The following BRAT1 variants were observed in gnomAD, a reference collection of about 807,000 sequenced individuals.
The protein encoded by BRAT1 is integrator complex assembly factor BRAT1.
In BRAT1, 74 loss-of-function variants were observed where a neutral mutation model predicts 70.6. The observed-to-expected ratio is 1.05, with a 90% confidence interval of 0.87 to 1.27. The LOEUF is 1.27. Ranked by LOEUF, BRAT1 falls within the 50% of genes most tolerant of loss-of-function variation. BRAT1 has a pLI of 0.00. For synonymous variants in BRAT1, 615 were observed against 517.1 expected, an observed-to-expected ratio of 1.19 and a Z score of -2.57; for missense variants, 1,203 against 1,098.2, an observed-to-expected ratio of 1.10 and a Z score of -1.35.
At position 2,541,314 on chromosome 7, in the gene BRAT1, C is replaced by T. The variant is rs145506790; in HGVS notation, c.1305G>A (p.Thr435=). 1.1e-5 allele frequency: 18 copies of T among 1,593,092 alleles called. No homozygotes were observed. Among genetic ancestry groups the T allele is most frequent in the African/African-American group, 8.0e-5 (6 of 74,666 alleles). ...CACACTCACCTGTCCCCTGTGACAGCGTCCCCAGGAAGTCGAGGGCTGCTC... is the reference window on the plus strand; with the variant it reads ...CACACTCACCTGTCCCCTGTGACAGTGTCCCCAGGAAGTCGAGGGCTGCTC... ...VQRAALDFLG[T]LSQGTGPQEL... The change falls in exon 9 of 14, where the codon ACG becomes ACA. Residue 435 remains threonine (T), a synonymous_variant. Transcript: ENST00000340611.
At chr7:2,542,636 C>T (rs1367504703) in intron 6 of BRAT1, 1 of 219,962 alleles carries the variant, frequency 4.5e-6, no homozygotes, top group Non-Finnish European at 9.3e-6. Flanking sequence ...CCTCCATCCT[C>T]CCCCGGTCTA....
Position 2,544,905 on chromosome 7 carries a change from T to C in BRAT1, c.430+4A>G, listed in dbSNP as rs1779483884. 6.5e-7 allele frequency: 1 copy of C among 1,549,388 alleles called. No homozygotes were observed. The highest frequency in any genetic ancestry group is 8.7e-7 in the Non-Finnish European group (1 of 1,146,812). On this transcript the variant is annotated splice_donor_region_variant and intron_variant, in intron 4 of 13. Coordinates refer to ENST00000340611, the MANE Select transcript of BRAT1 (RefSeq NM_152743.4). ...GGAATGGGGTGGGGTGTGGGCGCAC[T>C]CACCATGGTCGGCCAGGAAGCGCAG... is the stretch of plus-strand genomic sequence containing the variant.
chr7:2,538,858 G>C, intron 13 of BRAT1, 94 bp from the exon 14 acceptor site: 1 of 1,539,736 alleles, frequency 6.5e-7, no homozygotes, highest in Non-Finnish European at 8.7e-7. Flanking sequence ...GCTGGCCCCG[G>C]ACATGCAGTC....
chr7:2,542,766 A>C, intron 6 of BRAT1: 1 of 170,052 alleles, frequency 5.9e-6, no homozygotes, highest in Non-Finnish European at 1.3e-5. Flanking sequence ...CACCTGGAAC[A>C]CTGGCAGGCC....
chr7:2,543,556 C>T lies in BRAT1; in HGVS notation c.803+34G>A. On this transcript the variant is annotated intron_variant, in intron 5 of 13. Coordinates refer to ENST00000340611, the MANE Select transcript of BRAT1 (RefSeq NM_152743.4). This position sits in a 1 kb window ranked among gnomAD's most constrained non-coding sequence, Gnocchi z 5.5. ...GTTATCCGAGGAAAACAGTTGCCCACCCAGGCCCCCCAGCTGCGTCCCGGG... is the reference window on the plus strand; with the variant it reads ...GTTATCCGAGGAAAACAGTTGCCCATCCAGGCCCCCCAGCTGCGTCCCGGG... 6.7e-7 allele frequency: 1 copy of T among 1,502,292 alleles called. No homozygotes were observed. The highest frequency in any genetic ancestry group is 8.9e-7 in the Non-Finnish European group (1 of 1,125,608). The allele number at this position is 1,502,292 out of a possible 1,614,324, so 93.1% of individuals were successfully genotyped here. A position where few individuals can be genotyped will look rare whatever the true frequency, so the allele number is the denominator to read the frequency against.
In BRAT1 at chr7:2,541,479, C is replaced by T; in HGVS notation, c.1140G>A (p.Gln380=). The change falls in exon 9 of 14, where the codon CAG becomes CAA. Residue 380 remains glutamine (Q), a synonymous_variant. Coordinates refer to ENST00000340611, the MANE Select transcript of BRAT1 (RefSeq NM_152743.4). The part of the protein sequence containing the change: ...AHLEELQPLP[Q]RPSPWPQASL... ...ACGCCTGGGGCCACGGTGAAGGGCG[C>T]TGGGGCTGCGAGGAAGAGGGCCGTC... The T allele has an allele frequency of 6.5e-7, 1 of 1,536,854 alleles. No homozygotes were observed. Among genetic ancestry groups the T allele is most frequent in the African/African-American group, 1.4e-5 (1 of 72,858 alleles).
rs200394879 is a variant in BRAT1 at position 2,554,603 on chromosome 7, ACTG to A, written c.-16-159_-16-157del. ...CATGATCCCCAGACCAGAGGTCTGT[ACTG>A]CAGGGATGGATGCAAAGCTTTGGTC... is the stretch of plus-strand genomic sequence containing the variant. On this transcript the variant is annotated intron_variant, in intron 1 of 13. Transcript: ENST00000340611. Among the ~76,000 whole-genome samples, 295 of 152,220 alleles carry A rather than the reference ACTG, an allele frequency of 1.9e-3. 6 individuals are homozygous for A. The East Asian group carries it at 0.045, about 23-fold the overall frequency.
At chr7:2,539,067 A>G (rs1302472165) in intron 13 of BRAT1, 112 bp downstream of exon 13, 25 of 1,470,928 alleles carry the variant, frequency 1.7e-5, no homozygotes, top group South Asian at 2.6e-5. Flanking sequence ...GGCGCTGCCC[A>G]CAGCAGCAGC....
chr7:2,541,539 C>G, intron 8 of BRAT1, 55 bp from the exon 9 acceptor site: 1 of 1,497,838 alleles, frequency 6.7e-7, no homozygotes, highest in Non-Finnish European at 8.9e-7. Context: ...GGCGTGGATG[C>G]AGGGGTGCTG....
intron 10 of BRAT1, 166 bp downstream of exon 10, chr7:2,540,813 C>G (rs2128389441): frequency 1.5e-6 from 1 of 687,682 alleles, no homozygotes; most frequent in East Asian, 3.4e-5. Context: ...GGCCCTGGGC[C>G]CGCCCCATGC....
At chr7:2,541,974 G>C in intron 7 of BRAT1, 138 bp from the exon 8 acceptor site, 2 of 1,187,714 alleles carry the variant, frequency 1.7e-6, no homozygotes, top group Non-Finnish European at 2.4e-6. Flanking sequence ...AGATGGCCAT[G>C]TCCCCGGTCC....
chr7:2,542,159 A>G lies in BRAT1; in HGVS notation c.976T>C (p.Cys326Arg), dbSNP rs866394796. The stretch of plus-strand genomic sequence containing the variant: ...GCCTGAACCGTGGCCTTCAGGACAC[A>G]GGCCAGGGGCTGGAGAAGGACCTGG... The part of the protein sequence containing the change: ...AFQVLLQPLA[C>R]VLKATVQAPG... The change falls in exon 7 of 14, where the codon TGT (cysteine) becomes CGT (arginine). Residue 326 changes from cysteine to arginine, a missense_variant. Coordinates refer to ENST00000340611, the MANE Select transcript of BRAT1 (RefSeq NM_152743.4). The G allele has an allele frequency of 1.3e-6, 2 of 1,572,198 alleles. No individual in the cohort carries two copies. The highest frequency in any genetic ancestry group is 1.7e-6 in the Non-Finnish European group (2 of 1,158,814).
At position 2,542,460 on chromosome 7, in the gene BRAT1, G is replaced by T. The variant is rs1000896770; in HGVS notation, c.924-249C>A. 2.0e-5 allele frequency: 11 copies of T among 551,356 alleles called. No homozygotes were observed. In the East Asian group the frequency reaches 3.3e-4, roughly 16 times the overall value. 34.2% of individuals were successfully genotyped at this position (551,356 alleles called of 1,614,324 possible). A position where few individuals can be genotyped will look rare whatever the true frequency, so the allele number is the denominator to read the frequency against. On this transcript the variant is annotated intron_variant, in intron 6 of 13. Coordinates refer to ENST00000340611, the MANE Select transcript of BRAT1 (RefSeq NM_152743.4). ...CAGATACTGAGGGGCCTCCAGGAGG[G>T]CCTGGCCATGCACCCAGAGAGAGGG...
Position 2,539,790 on chromosome 7 carries a change from G to A in BRAT1, c.1494C>T (p.Leu498=), listed in dbSNP as rs1366126698. The change falls in exon 11 of 14, where the codon CTC becomes CTT. Residue 498 remains leucine, a synonymous_variant. Transcript: ENST00000340611. ...SDLGPLIPQF[L]RELFPVLQKR... ...CCCTGCAAGGGGCTGCGTTACCTCT[G>A]AGGAACTGCGGGATGAGGGGGCCGA... The A allele has an allele frequency of 6.2e-7, 1 of 1,611,260 alleles. No individual in the cohort carries two copies. The highest frequency in any genetic ancestry group is 8.5e-7 in the Non-Finnish European group (1 of 1,178,920).
In BRAT1 at chr7:2,547,390, G is replaced by A. The variant is rs370459360; in HGVS notation, c.216C>T (p.Val72=). 1.4e-4 allele frequency: 226 copies of A among 1,614,008 alleles called. No individual in the cohort carries two copies. The highest frequency in any genetic ancestry group is 1.8e-4 in the Non-Finnish European group (217 of 1,180,050). ...VLKVQDLSSG[V]LSFSLRLAGT... ...CTGCCAGGCGCAGTGAGAAGGAGAG[G>A]ACCCCAGAACTCAGGTCCTGGACTT... The change falls in exon 3 of 14, where the codon GTC becomes GTT. Residue 72 remains valine, a synonymous_variant. Transcript: ENST00000340611.
At chr7:2,551,172 C>T (rs1779974923) in intron 2 of BRAT1, among the ~76,000 whole-genome samples, 1 of 150,954 alleles carries the variant, frequency 6.6e-6, no homozygotes. Flanking sequence ...ACCCAGGAGG[C>T]GGAGGTTGCA....
chr7:2,545,945 G>A (rs1779576627), intron 3 of BRAT1, among the ~76,000 whole-genome samples: 1 of 152,248 alleles, frequency 6.6e-6, no homozygotes, highest in Non-Finnish European at 1.5e-5. Flanking sequence ...GGGGCATCGT[G>A]AACGGCAAGC....
chr7:2,544,709 G>A (rs1779467169), intron 4 of BRAT1, among the ~76,000 whole-genome samples, 200 bp downstream of exon 4: 1 of 152,196 alleles, frequency 6.6e-6, no homozygotes, highest in African/African-American at 2.4e-5. Context: ...TGATCTGTAA[G>A]TGGCTGAGAA....
chr7:2,542,860 G>A (rs1779288704), intron 6 of BRAT1: 1 of 187,478 alleles, frequency 5.3e-6, no homozygotes, highest in African/African-American at 2.4e-5. Context: ...TGTGTGTGCT[G>A]GGGAGCTCCG....
Sources: allele counts gnomAD v4.1 joint callset (sites outside exome capture counted in the v4.1 genomes callset), GRCh38; gene constraint gnomAD v4.1.1; non-coding constraint Gnocchi (gnomAD v3.1); transcripts MANE v1.5; gene names NCBI Gene and HGNC (gene_info 2026-07-23, HGNC 2026-07-21).